The following LMO7 variants were observed in gnomAD, a reference collection of about 807,000 sequenced individuals.
LMO7 encodes the protein LIM domain 7.
Under a neutral mutation model 206.5 loss-of-function variants are expected in LMO7, and 120 were observed. The observed-to-expected ratio is 0.58, with a 90% CI of 0.50 to 0.68. LMO7 has a LOEUF of 0.68. LMO7 is among the 30% of genes least tolerant of loss of function. The pLI is 0.00. For missense variants in LMO7, 1,959 were observed against 1,957.9 expected (o/e 1.00, Z -0.01); for synonymous variants, 706 against 681.5 (o/e 1.04, Z -0.56).
chr13:75,756,630 C>T (rs915612369), intron 3 of LMO7, among the ~76,000 whole-genome samples: 7 of 152,308 alleles, frequency 4.6e-5, no homozygotes, highest in African/African-American at 1.7e-4. Context: ...TTTCATTTCT[C>T]TACTCTCTGA....
chr13:75,656,055 CCT>C (rs989519521), intron 1 of LMO7, among the ~76,000 whole-genome samples: 20 of 152,204 alleles, frequency 1.3e-4, no homozygotes, highest in Non-Finnish European at 2.6e-4. Context: ...ATCTCTACCT[CCT>C]CTCATCCTGG....
At chr13:75,643,111 G>A (rs998921644) in intron 1 of LMO7, among the ~76,000 whole-genome samples, 4 of 152,146 alleles carry the variant, frequency 2.6e-5, no homozygotes, top group South Asian at 4.1e-4. Context: ...GGAGTATGCC[G>A]ATTTATTCAA....
chr13:75,763,177 G>A (rs917434847), intron 4 of LMO7, among the ~76,000 whole-genome samples: 8 of 152,070 alleles, frequency 5.3e-5, no homozygotes, highest in Non-Finnish European at 8.8e-5. Context: ...GGCCACTTCC[G>A]GAGATACTTC....
rs372213271 is a variant in LMO7 at position 75,803,194 on chromosome 13, T to A, written c.662-1095T>A. ...CTCTTTTGCCAAGACTCTACTCTCCTTTTACTCTGTCCCTGTCTCATAGCT... is the reference window on the plus strand; with the variant it reads ...CTCTTTTGCCAAGACTCTACTCTCCATTTACTCTGTCCCTGTCTCATAGCT... On this transcript the variant is annotated intron_variant, in intron 7 of 30. Transcript: ENST00000377534. Among the ~76,000 whole-genome samples the A allele has an allele frequency of 3.1e-3, 479 of 152,282 alleles. 2 individuals are homozygous for A. The highest frequency in any genetic ancestry group is 5.5e-3 in the Non-Finnish European group (374 of 68,008).
At chr13:75,809,302 T>G in intron 11 of LMO7, 119 bp downstream of exon 11, 1 of 792,308 alleles carries the variant, frequency 1.3e-6, no homozygotes, top group South Asian at 1.8e-5. Flanking sequence ...GCATGATATT[T>G]TTTAAGTGGG....
intron 1 of LMO7, among the ~76,000 whole-genome samples, chr13:75,692,632 A>G (rs2041586004): frequency 6.6e-6 from 1 of 151,772 alleles, no homozygotes; most frequent in Admixed American, 6.6e-5. Context: ...GCACTCGGCC[A>G]TTTTTTTCCT....
chr13:75,697,873 G>A (rs758805075), intron 1 of LMO7, among the ~76,000 whole-genome samples: 6 of 152,094 alleles, frequency 3.9e-5, no homozygotes, highest in Admixed American at 2.0e-4. Context: ...TGTTGAGATC[G>A]CTTAAGGCCC....
intron 26 of LMO7, among the ~76,000 whole-genome samples, chr13:75,847,852 C>G (rs1240613277): frequency 6.6e-6 from 1 of 152,102 alleles, no homozygotes; most frequent in Non-Finnish European, 1.5e-5. Context: ...GAGTAGGAGA[C>G]AGTTACTTTA....
In LMO7 at chr13:75,732,697, C is replaced by G. The variant is rs540925788; in HGVS notation, c.210+5599C>G. Among the ~76,000 whole-genome samples the G allele has an allele frequency of 2.8e-3, 426 of 152,300 alleles. 2 individuals are homozygous for G. Among genetic ancestry groups the G allele is most frequent in the African/African-American group, 9.7e-3 (403 of 41,582 alleles). On this transcript the variant is annotated intron_variant, in intron 3 of 30. Coordinates refer to ENST00000377534, the MANE Select transcript of LMO7 (RefSeq NM_001306080.2). ...CTGCGTTTCTTTGGAGGAGGAGAGG[C>G]GCTCTGCTTTTTAGAGTTTCCAGTT... is the stretch of plus-strand genomic sequence containing the variant.
chr13:75,698,760 A>G (rs1257499005), intron 1 of LMO7, among the ~76,000 whole-genome samples: 1 of 152,174 alleles, frequency 6.6e-6, no homozygotes, highest in Non-Finnish European at 1.5e-5. Context: ...GAGTTTGAAC[A>G]AAATGCACAA....
intron 30 of LMO7, 100 bp from the exon 31 acceptor site, chr13:75,857,821 T>C (rs947576927): frequency 4.7e-5 from 33 of 705,228 alleles, no homozygotes; most frequent in African/African-American, 3.5e-4. Context: ...TTCTACCTCA[T>C]TGGGCCACTT....
intron 2 of LMO7, among the ~76,000 whole-genome samples, chr13:75,714,663 A>C (rs2043379166): frequency 6.6e-6 from 1 of 152,186 alleles, no homozygotes; most frequent in Non-Finnish European, 1.5e-5. Flanking sequence ...TTGGAATGTG[A>C]ATAGTGTTTC....
intron 2 of LMO7, among the ~76,000 whole-genome samples, chr13:75,714,422 T>A (rs1037066120): frequency 6.6e-6 from 1 of 152,154 alleles, no homozygotes; most frequent in African/African-American, 2.4e-5. Context: ...TAAATAACAG[T>A]CTATCTTGTC....
chr13:75,840,896 A>AAAAAGG (rs1331015965), intron 22 of LMO7, among the ~76,000 whole-genome samples: 1 of 152,124 alleles, frequency 6.6e-6, no homozygotes, highest in African/African-American at 2.4e-5. Flanking sequence ...TTTAATTCTC[A>AAAAAGG]GTGTCTACCT....
At chr13:75,709,693 A>G (rs1194581355) in intron 1 of LMO7, among the ~76,000 whole-genome samples, 1 of 151,974 alleles carries the variant, frequency 6.6e-6, no homozygotes, top group Non-Finnish European at 1.5e-5. Context: ...TAGATTCTGG[A>G]TATTAGCCCT....
At chr13:75,745,489 G>T (rs2046766353) in intron 3 of LMO7, among the ~76,000 whole-genome samples, 1 of 152,132 alleles carries the variant, frequency 6.6e-6, no homozygotes, top group Non-Finnish European at 1.5e-5. Flanking sequence ...AAGAAATCAA[G>T]AAGATGAGGG....
At chr13:75,808,468 G>A (rs1037945310) in intron 10 of LMO7, among the ~76,000 whole-genome samples, 4 of 152,228 alleles carry the variant, frequency 2.6e-5, no homozygotes, top group African/African-American at 9.6e-5. Context: ...CAGTACTGTG[G>A]TACTATCCAC....
chr13:75,844,462 T>C (rs1475630799), intron 25 of LMO7, among the ~76,000 whole-genome samples: 1 of 151,578 alleles, frequency 6.6e-6, no homozygotes, highest in African/African-American at 2.4e-5. Context: ...CAGGCTGGAG[T>C]GCAGTGGGGT....
At chr13:75,783,995 G>A (rs1292025829) in intron 4 of LMO7, among the ~76,000 whole-genome samples, 2 of 152,126 alleles carry the variant, frequency 1.3e-5, no homozygotes, top group South Asian at 4.1e-4. Flanking sequence ...GAGATCCACC[G>A]AAACAGTGGT....
Sources: allele counts gnomAD v4.1 joint callset (sites outside exome capture counted in the v4.1 genomes callset), GRCh38; gene constraint gnomAD v4.1.1; transcripts MANE v1.5; gene names NCBI Gene and HGNC (gene_info 2026-07-23, HGNC 2026-07-21).